The following SATB2 variants were observed in gnomAD, a reference collection of about 807,000 sequenced individuals.
SATB2 encodes the protein SATB homeobox 2.
SATB2 carries 1 observed loss-of-function variant against 73.4 expected under a neutral mutation model. The observed-to-expected ratio is 0.01, with a 90% CI of 0.00 to 0.06. The LOEUF (loss-of-function observed/expected upper bound fraction) is 0.06, where lower values mean the gene tolerates loss of function less well. Among genes scored for constraint, SATB2 ranks in the 10% least tolerant of loss-of-function variants. The probability of loss-of-function intolerance (pLI) is 1.00; values close to 1 mark genes in which losing one functional copy is unlikely to be tolerated. For missense variants in SATB2, 459 were observed against 945.8 expected (o/e 0.49, Z 6.75); for synonymous variants, 397 against 367.0 (o/e 1.08, Z -0.93).
At position 199,270,959 on chromosome 2, in the gene SATB2, A is replaced by G. The variant is rs1692136579; in HGVS notation, c.*1252T>C. ...TAGGTAGATGGAATGTGTACGAAGA[A>G]GAGGAAGCCCAAAGTGAAGCAGAAA... On this transcript the variant is annotated 3_prime_UTR_variant, in exon 11 of 11. Coordinates refer to ENST00000417098, the MANE Select transcript of SATB2 (RefSeq NM_001172509.2). 6.6e-6 allele frequency: 1 copy of G among 152,374 alleles called. No homozygotes were observed. Among genetic ancestry groups the G allele is most frequent in the Non-Finnish European group, 1.5e-5 (1 of 68,060 alleles). 9.4% of individuals were successfully genotyped at this position (152,374 alleles called of 1,614,324 possible). A position where few individuals can be genotyped will look rare whatever the true frequency, so the allele number is the denominator to read the frequency against.
At chr2:199,438,835 A>G (rs143707631) in intron 2 of SATB2, among the ~76,000 whole-genome samples, 3 of 152,372 alleles carry the variant, frequency 2.0e-5, no homozygotes, top group Non-Finnish European at 4.4e-5. Flanking sequence ...CATTATTTTC[A>G]GTTAATAAAT....
Position 199,348,828 on chromosome 2 carries a change from A to G in SATB2, c.1046T>C (p.Val349Ala). ...GGAAGAGTTGGTTGGCTCTGGCTTA[A>G]CTGCTCTGGGGATGGGTGGATGGTT... The part of the protein sequence containing the change: ...FLNHPPIPRA[V>A]KPEPTNSSVE... Residue 349 changes from valine (V) to alanine (A), a missense_variant, in exon 7 of 11, where the codon GTT (valine) becomes GCT (alanine). Val to Ala is a moderately conservative substitution (Grantham distance 64). Coordinates refer to ENST00000417098, the MANE Select transcript of SATB2 (RefSeq NM_001172509.2). The G allele has an allele frequency of 6.2e-7, 1 of 1,613,972 alleles. No individual in the cohort carries two copies. The highest frequency in any genetic ancestry group is 8.5e-7 in the Non-Finnish European group (1 of 1,179,856).
chr2:199,434,772 CCT>C (rs1488863801), intron 2 of SATB2, among the ~76,000 whole-genome samples: 1 of 152,094 alleles, frequency 6.6e-6, no homozygotes, highest in East Asian at 1.9e-4. Flanking sequence ...GAACCCCCTC[CCT>C]GTGGCCTCAA....
At chr2:199,321,308 T>C (rs140263406) in intron 9 of SATB2, among the ~76,000 whole-genome samples, 10 of 151,936 alleles carry the variant, frequency 6.6e-5, no homozygotes, top group African/African-American at 2.4e-4. Context: ...GACATATATA[T>C]ACACGTCTAT....
intron 7 of SATB2, among the ~76,000 whole-genome samples, chr2:199,335,992 T>C (rs1050197138): frequency 6.6e-6 from 1 of 152,154 alleles, no homozygotes; most frequent in Non-Finnish European, 1.5e-5. Context: ...TTCCCTTAAC[T>C]GCAATACCTT....
At chr2:199,302,983 G>A (rs1303881355) in intron 10 of SATB2, among the ~76,000 whole-genome samples, 1 of 152,184 alleles carries the variant, frequency 6.6e-6, no homozygotes, top group African/African-American at 2.4e-5. Flanking sequence ...TGCATTAGGT[G>A]TTCTGTAAAT....
At chr2:199,347,426 T>C (rs187250168) in intron 7 of SATB2, 1 of 152,324 alleles carries the variant, frequency 6.6e-6, no homozygotes, top group East Asian at 1.9e-4. Context: ...TTCCTATGAA[T>C]GTCTTTACCT....
In SATB2 at chr2:199,411,186, C is replaced by T. The variant is rs558244660; in HGVS notation, c.346+22152G>A. Among the ~76,000 whole-genome samples, 75 of 151,464 alleles carry T rather than the reference C, an allele frequency of 5.0e-4. 1 individual carries two copies. Among genetic ancestry groups the T allele is most frequent in the Non-Finnish European group, 9.4e-4 (64 of 67,894 alleles). The stretch of plus-strand genomic sequence containing the variant: ...ACAAAGCTTCCTTTGCCACCTGTGA[C>T]GGGTTCTTTCCAAGTCACTATGTCC... On this transcript the variant is annotated intron_variant, in intron 3 of 10. Coordinates refer to ENST00000417098, the MANE Select transcript of SATB2 (RefSeq NM_001172509.2).
intron 7 of SATB2, among the ~76,000 whole-genome samples, chr2:199,333,667 T>C (rs975164203): frequency 2.0e-5 from 3 of 152,146 alleles, no homozygotes; most frequent in African/African-American, 7.2e-5. Flanking sequence ...AATATGATTC[T>C]GAACTACTGA....
intron 9 of SATB2, among the ~76,000 whole-genome samples, chr2:199,309,653 A>G (rs1574493124): frequency 6.6e-6 from 1 of 152,234 alleles, no homozygotes; most frequent in East Asian, 1.9e-4. Flanking sequence ...TGCATGAGAA[A>G]GAAAATGTAA....
At chr2:199,317,625 T>A (rs1333771981) in intron 9 of SATB2, among the ~76,000 whole-genome samples, 2 of 152,186 alleles carry the variant, frequency 1.3e-5, no homozygotes, top group Non-Finnish European at 2.9e-5. Flanking sequence ...GTCTAAGGAC[T>A]CCTATAAAGA....
chr2:199,410,906 GT>G (rs1481845617), intron 3 of SATB2, among the ~76,000 whole-genome samples: 1 of 151,848 alleles, frequency 6.6e-6, no homozygotes, highest in African/African-American at 2.4e-5. Context: ...TAAAAATAAA[GT>G]TTTTTTTAAA....
At chr2:199,433,000 A>C (rs1691548142) in intron 3 of SATB2, among the ~76,000 whole-genome samples, 1 of 152,238 alleles carries the variant, frequency 6.6e-6, no homozygotes, top group South Asian at 2.1e-4. Flanking sequence ...TGGAAAACTG[A>C]ATGCTTTATA....
At chr2:199,412,191 G>C (rs897594428) in intron 3 of SATB2, among the ~76,000 whole-genome samples, 2 of 152,146 alleles carry the variant, frequency 1.3e-5, no homozygotes, top group African/African-American at 4.8e-5. Flanking sequence ...TAGATTGTAA[G>C]GACACAGTGA....
chr2:199,388,002 G>A (rs1690011720), intron 3 of SATB2, among the ~76,000 whole-genome samples: 1 of 152,136 alleles, frequency 6.6e-6, no homozygotes, highest in Admixed American at 6.5e-5. Context: ...ACTATTCTCA[G>A]TAAATGCATA....
At chr2:199,384,517 C>T (rs1459183898) in intron 3 of SATB2, among the ~76,000 whole-genome samples, 2 of 152,176 alleles carry the variant, frequency 1.3e-5, no homozygotes, top group Admixed American at 1.3e-4. Context: ...TGTGTTAATC[C>T]TCTTTGCAAA....
chr2:199,452,770 C>CT lies in SATB2; in HGVS notation c.169+3098dup, dbSNP rs943173069. Among the ~76,000 whole-genome samples, 65 of 149,330 alleles carry CT rather than the reference C, an allele frequency of 4.4e-4. 1 individual carries two copies. The highest frequency in any genetic ancestry group is 3.5e-3 in the Middle Eastern group (1 of 288). ...ATATGTTTTTTAAAGAGATATTAGC[C>CT]TTTTTTTTTTCCTAAGGACCGTCTG... On this transcript the variant is annotated intron_variant, in intron 2 of 10. Transcript: ENST00000417098.
chr2:199,456,256 A>G (rs1479534598), intron 1 of SATB2, among the ~76,000 whole-genome samples, 160 bp from the exon 2 acceptor site: 1 of 152,170 alleles, frequency 6.6e-6, no homozygotes, highest in Non-Finnish European at 1.5e-5. Context: ...GCCGGTCCCA[A>G]CCTTACACTG....
At chr2:199,310,874 A>T (rs1306835461) in intron 9 of SATB2, among the ~76,000 whole-genome samples, 1 of 152,218 alleles carries the variant, frequency 6.6e-6, no homozygotes, top group East Asian at 1.9e-4. Flanking sequence ...AAGACAGGTG[A>T]CAGCTGAGTG....
Sources: gnomAD v4.1 joint callset for allele counts (sites outside exome capture counted in the v4.1 genomes callset) on GRCh38, gnomAD v4.1.1 for gene constraint, MANE v1.5 for transcripts, NCBI Gene and HGNC (gene_info 2026-07-23, HGNC 2026-07-21) for gene names.